Variants in CEP104 observed in about 807,000 individuals in gnomAD.
CEP104 encodes centrosomal protein 104.
Under a neutral mutation model 113.3 loss-of-function variants are expected in CEP104, and 84 were observed. That is an observed-to-expected ratio of 0.74 (90% CI 0.62 to 0.89). The LOEUF is 0.89. Among genes scored for constraint, CEP104 ranks in the 40% least tolerant of loss-of-function variants. The pLI, the probability that CEP104 is intolerant of heterozygous loss-of-function variation, is 0.00. For missense variants in CEP104, 1,053 were observed against 1,156.6 expected (o/e 0.91, Z 1.30); for synonymous variants, 378 against 421.7 (o/e 0.90, Z 1.27).
chr1:3,815,424 C>A lies in CEP104; in HGVS notation c.2756G>T (p.Ser919Ile). 1.2e-6 allele frequency: 2 copies of A among 1,612,874 alleles called. No homozygotes were observed. Among genetic ancestry groups the A allele is most frequent in the Non-Finnish European group, 1.7e-6 (2 of 1,179,798 alleles). ...TPKGGLSKSS[S>I]RTYAKR ...GCGTCAGCGCTTGGCGTACGTCCTG[C>A]TGGAGCTCTTGCTCAGTCCGCCCTT... Residue 919 changes from serine (S) to isoleucine (I), a missense_variant, in exon 22 of 22, where the codon AGC (serine) becomes ATC (isoleucine). Physicochemically the swap from Ser to Ile is moderately radical, Grantham distance 142. Coordinates refer to ENST00000378230, the MANE Select transcript of CEP104 (RefSeq NM_014704.4).
intron 20 of CEP104, among the ~76,000 whole-genome samples, chr1:3,818,901 C>G (rs574374930): frequency 1.2e-4 from 18 of 152,318 alleles, no homozygotes; most frequent in Admixed American, 2.0e-4. Flanking sequence ...CTTAAGCTTT[C>G]TGTGTCCTGT....
intron 20 of CEP104, among the ~76,000 whole-genome samples, chr1:3,822,092 G>A (rs1183200879): frequency 6.6e-6 from 1 of 152,242 alleles, no homozygotes; most frequent in East Asian, 1.9e-4. Context: ...GGGAGCACGT[G>A]GGGGCACGGG....
At chr1:3,830,148 G>A in intron 13 of CEP104, 151 bp from the exon 14 acceptor site, 1 of 622,696 alleles carries the variant, frequency 1.6e-6, no homozygotes, top group South Asian at 2.0e-5. Context: ...AAACCTCACG[G>A]ATCTACCGTC....
Position 3,825,885 on chromosome 1 carries a change from A to G in CEP104, c.2256-19T>C, listed in dbSNP as rs1411497564. Reference sequence around the variant, plus strand: ...ACACAAACTGAAAGCAAAGCAAAGCAGGAAATAAAGGTAAGGATCTAGTTC... The same window carrying G: ...ACACAAACTGAAAGCAAAGCAAAGCGGGAAATAAAGGTAAGGATCTAGTTC... On this transcript the variant is annotated intron_variant, in intron 17 of 21. Coordinates refer to ENST00000378230, the MANE Select transcript of CEP104 (RefSeq NM_014704.4). 1.3e-6 allele frequency: 2 copies of G among 1,541,476 alleles called. No individual in the cohort carries two copies. The highest frequency in any genetic ancestry group is 1.8e-6 in the Non-Finnish European group (2 of 1,113,630).
At chr1:3,850,521 T>C (rs1157250008) in intron 2 of CEP104, among the ~76,000 whole-genome samples, 1 of 152,182 alleles carries the variant, frequency 6.6e-6, no homozygotes, top group African/African-American at 2.4e-5. Flanking sequence ...GGGGTCTCCC[T>C]ATATCTCTTT....
chr1:3,855,439 G>A (rs1297253159), intron 1 of CEP104, among the ~76,000 whole-genome samples: 1 of 151,548 alleles, frequency 6.6e-6, no homozygotes, highest in South Asian at 2.1e-4. Context: ...AAAGTGTTGG[G>A]ATTACAGGCG....
intron 18 of CEP104, among the ~76,000 whole-genome samples, chr1:3,824,450 G>T (rs1033307654): frequency 1.3e-5 from 2 of 152,170 alleles, no homozygotes; most frequent in Non-Finnish European, 2.9e-5. Flanking sequence ...TGTTACACAG[G>T]ACACGAATAG....
intron 2 of CEP104, among the ~76,000 whole-genome samples, chr1:3,849,833 T>TAA (rs57661870): frequency 1.4e-4 from 21 of 146,566 alleles, no homozygotes; most frequent in Admixed American, 2.7e-4. Flanking sequence ...AAATCTTTAT[T>TAA]AAAAAAAAAA....
At position 3,823,536 on chromosome 1, in the gene CEP104, C is replaced by G. The variant is rs1644023198; in HGVS notation, c.2391G>C (p.Glu797Asp). ...TTTTGTCACATTCCGTCAGCAAGTG[C>G]TCCGTCAGACTGGATATCTCGACCA... ...KQVVEISSLT[E>D]HLLTECDKKD... Residue 797 changes from glutamate to aspartate, a missense_variant, in exon 19 of 22, where the codon GAG becomes GAC. Physicochemically the swap from Glu to Asp is conservative, Grantham distance 45. Transcript: ENST00000378230. The surrounding 1 kb of genome is among the most constrained non-coding windows in gnomAD (Gnocchi z 4.1). The G allele has an allele frequency of 3.7e-6, 6 of 1,614,126 alleles. No individual in the cohort carries two copies. The South Asian group carries it at 5.5e-5, about 15-fold the overall frequency.
Position 3,829,663 on chromosome 1 carries a change from A to G in CEP104, c.2043+128T>C, listed in dbSNP as rs1383414042. 1.4e-5 allele frequency: 14 copies of G among 1,008,724 alleles called. No individual in the cohort carries two copies. The South Asian group carries it at 1.4e-4, about 10-fold the overall frequency. The allele number at this position is 1,008,724 out of a possible 1,614,324, so 62.5% of individuals were successfully genotyped here. The stretch of plus-strand genomic sequence containing the variant: ...AATGCGGGAACCTGTGTTCTTTCTT[A>G]GCCAGGACGCCGGGGCTTCCCATAC... On this transcript the variant is annotated intron_variant, in intron 14 of 21. Transcript: ENST00000378230.
rs1242991055 is a variant in CEP104 at position 3,837,299 on chromosome 1, T to G, written c.1112A>C (p.Lys371Thr). The G allele has an allele frequency of 1.2e-6, 2 of 1,610,168 alleles. No homozygotes were observed. The highest frequency in any genetic ancestry group is 1.7e-6 in the Non-Finnish European group (2 of 1,176,532). The change falls in exon 9 of 22, where the codon AAG becomes ACG. Residue 371 changes from lysine (K) to threonine (T), a missense_variant. Lys to Thr is a moderately conservative substitution (Grantham distance 78). Coordinates refer to ENST00000378230, the MANE Select transcript of CEP104 (RefSeq NM_014704.4). ...PLLPATDPHP[K>T]INAESLPYDE... ...TGAAACAGAATTACCTACATTGATC[T>G]TTGGATGAGGATCTGTGGCAGGGAG...
intron 10 of CEP104, among the ~76,000 whole-genome samples, 165 bp downstream of exon 10, chr1:3,836,330 A>G (rs1644309838): frequency 6.6e-6 from 1 of 152,006 alleles, no homozygotes; most frequent in African/African-American, 2.4e-5. Flanking sequence ...AAAAGTTAAC[A>G]AAAGACTTTC....
intron 8 of CEP104, 113 bp downstream of exon 8, chr1:3,838,851 T>C (rs926754451): frequency 8.5e-7 from 1 of 1,170,592 alleles, no homozygotes; most frequent in Non-Finnish European, 1.2e-6. Flanking sequence ...CCCTGAGCAC[T>C]GCAGAGTGTT....
intron 18 of CEP104, among the ~76,000 whole-genome samples, chr1:3,824,541 G>C (rs1252564912): frequency 6.6e-6 from 1 of 152,226 alleles, no homozygotes; most frequent in African/African-American, 2.4e-5. Context: ...TTCAGACAGC[G>C]AAGACTGCAT....
intron 3 of CEP104, 21 bp downstream of exon 3, chr1:3,848,587 C>G: frequency 1.3e-6 from 2 of 1,538,160 alleles, no homozygotes; most frequent in Non-Finnish European, 1.8e-6. Context: ...TGCCATGATA[C>G]ATTTTAAATT....
intron 16 of CEP104, 30 bp downstream of exon 16, chr1:3,826,678 G>A (rs1351531074): frequency 6.2e-7 from 1 of 1,612,892 alleles, no homozygotes; most frequent in African/African-American, 1.3e-5. Flanking sequence ...ACACACCCCA[G>A]TTCTTTGTGC....
chr1:3,855,020 C>T (rs1644687207), intron 1 of CEP104, among the ~76,000 whole-genome samples: 1 of 151,044 alleles, frequency 6.6e-6, no homozygotes, highest in African/African-American at 2.4e-5. Context: ...TACAGGTGCG[C>T]ACCACCACAC....
chr1:3,839,607 C>A lies in CEP104; in HGVS notation c.735+1G>T. The A allele has an allele frequency of 6.2e-7, 1 of 1,611,488 alleles. No individual in the cohort carries two copies. The highest frequency in any genetic ancestry group is 1.1e-5 in the South Asian group (1 of 90,470). ...GGAACTGTTTTCTCCAAAGGCAATACCTTTTGCAAATCAGCAATGGCTTGT... is the reference window on the plus strand; with the variant it reads ...GGAACTGTTTTCTCCAAAGGCAATAACTTTTGCAAATCAGCAATGGCTTGT... On this transcript the variant is annotated splice_donor_variant, in intron 7 of 21. Coordinates refer to ENST00000378230, the MANE Select transcript of CEP104 (RefSeq NM_014704.4). LOFTEE classifies it high-confidence loss of function.
rs1305964478 is a variant in CEP104, at chr1:3,829,294, G to A, written c.2123C>T (p.Ala708Val). 4.4e-6 allele frequency: 7 copies of A among 1,590,514 alleles called. No homozygotes were observed. Among genetic ancestry groups the A allele is most frequent in the Middle Eastern group, 1.7e-4 (1 of 5,936 alleles). The change falls in exon 15 of 22, where the codon GCA becomes GTA. Residue 708 changes from alanine (A) to valine (V), a missense_variant. Transcript: ENST00000378230. ...AACTTCAGCCTGAATTTCTTTCAGT[G>A]CTGCCAGCTGCCCTTGTAAAGCTTT... Reference protein sequence around the residue: ...EIKALQGQLAALKEIQAEVQE... With the variant: ...EIKALQGQLAVLKEIQAEVQE...
Sources: allele counts gnomAD v4.1 joint callset (sites outside exome capture counted in the v4.1 genomes callset), GRCh38; gene constraint gnomAD v4.1.1; non-coding constraint Gnocchi (gnomAD v3.1); transcripts MANE v1.5; gene names NCBI Gene and HGNC (gene_info 2026-07-23, HGNC 2026-07-21).